Variants in CMIP observed in about 807,000 individuals in gnomAD.
CMIP encodes the protein c-Maf inducing protein.
CMIP carries 13 observed loss-of-function variants against 97.3 expected under a neutral mutation model. The observed-to-expected ratio is 0.13, with a 90% CI of 0.09 to 0.21. CMIP has a LOEUF of 0.21. Among genes scored for constraint, CMIP ranks in the 10% least tolerant of loss-of-function variants. CMIP has a pLI of 1.00. For missense variants in CMIP, 847 were observed against 1,024.9 expected (o/e 0.83, Z 2.37); for synonymous variants, 538 against 436.3 (o/e 1.23, Z -2.91).
At chr16:81,634,399 T>G (rs111971491) in intron 3 of CMIP, among the ~76,000 whole-genome samples, 2 of 152,238 alleles carry the variant, frequency 1.3e-5, no homozygotes, top group African/African-American at 4.8e-5. Flanking sequence ...GCTGCCTCCT[T>G]CTGTAACCAT....
intron 1 of CMIP, among the ~76,000 whole-genome samples, chr16:81,564,567 C>T (rs1010075040): frequency 1.8e-4 from 28 of 152,284 alleles, no homozygotes; most frequent in Middle Eastern, 3.4e-3. Flanking sequence ...TGCCAGCAGC[C>T]GGGAGCCAGG....
At chr16:81,699,203 A>G (rs1172371885) in intron 14 of CMIP, among the ~76,000 whole-genome samples, 1 of 152,194 alleles carries the variant, frequency 6.6e-6, no homozygotes, top group Non-Finnish European at 1.5e-5. Context: ...GCAGTGAGCC[A>G]AGATCGCACC....
At chr16:81,645,579 C>T (rs2092355233) in intron 3 of CMIP, 2 of 1,535,890 alleles carry the variant, frequency 1.3e-6, no homozygotes, top group African/African-American at 1.4e-5. Flanking sequence ...GTTGCCAGAG[C>T]GATGGCAAGT....
chr16:81,567,917 A>T (rs1323819154), intron 1 of CMIP, among the ~76,000 whole-genome samples: 2 of 151,852 alleles, frequency 1.3e-5, no homozygotes, highest in African/African-American at 2.4e-5. Flanking sequence ...GCTTCCCCTA[A>T]TGTTTCATTC....
chr16:81,697,581 C>A, intron 14 of CMIP: 1 of 152,370 alleles, frequency 6.6e-6, no homozygotes. Context: ...GCCCCTCGTC[C>A]GGGAGCCTCG....
intron 14 of CMIP, 109 bp downstream of exon 14, chr16:81,696,776 C>A (rs9933631): frequency 0.94 from 936,059 of 999,436 alleles, 439,552 homozygotes; most frequent in East Asian, 1. Flanking sequence ...CGGAGTTTCC[C>A]GGCTAACACA....
chr16:81,534,038 G>C (rs1222584272), intron 1 of CMIP: 1 of 152,276 alleles, frequency 6.6e-6, no homozygotes, highest in Non-Finnish European at 1.5e-5. Flanking sequence ...CCCCGTGAGA[G>C]CTACTGCTCA....
rs1005411565 is a variant in CMIP, at chr16:81,676,927, G to T, written c.1035-1348G>T. ...CATGCATGTGACACATGTGGGGAAG[G>T]ACTAGACAAGCAGCTGTTTTCAATC... On this transcript the variant is annotated intron_variant, in intron 9 of 20. Coordinates refer to ENST00000537098, the MANE Select transcript of CMIP (RefSeq NM_198390.3). 1.3e-4 allele frequency among the ~76,000 whole-genome samples: 20 copies of T among 152,314 alleles called. No homozygotes were observed. In the South Asian group the frequency reaches 3.9e-3, roughly 30 times the overall value.
intron 1 of CMIP, among the ~76,000 whole-genome samples, chr16:81,556,493 C>T (rs2090766821): frequency 6.6e-6 from 1 of 152,178 alleles, no homozygotes; most frequent in Non-Finnish European, 1.5e-5. Context: ...CACAATGTGC[C>T]AACGATTACT....
intron 1 of CMIP, among the ~76,000 whole-genome samples, chr16:81,455,417 C>A (rs1025391373): frequency 1.3e-5 from 2 of 152,248 alleles, no homozygotes; most frequent in African/African-American, 4.8e-5. Flanking sequence ...GAACAGCTTG[C>A]CTAGTTGGGA....
At chr16:81,466,413 A>T (rs1907209838) in intron 1 of CMIP, among the ~76,000 whole-genome samples, 1 of 152,152 alleles carries the variant, frequency 6.6e-6, no homozygotes, top group Admixed American at 6.5e-5. Context: ...GGTTGATTGG[A>T]GGCCAGGGAT....
rs372245073 is a variant in CMIP at position 81,576,416 on chromosome 16, A to AAAAC, written c.301-31135_301-31132dup. ...AAGACTCTGTCTCAAAAAACGGGGA[A>AAAAC]AAACAAACAAACAAACAAAAAACAG... On this transcript the variant is annotated intron_variant, in intron 1 of 20. Coordinates refer to ENST00000537098, the MANE Select transcript of CMIP (RefSeq NM_198390.3). Among the ~76,000 whole-genome samples, 10 of 152,234 alleles carry AAAAC rather than the reference A, an allele frequency of 6.6e-5. No individual in the cohort carries two copies. In the South Asian group the frequency reaches 8.3e-4, roughly 13 times the overall value.
Position 81,616,319 on chromosome 16 carries a change from G to A in CMIP, c.427-4557G>A, listed in dbSNP as rs956151213. Among the ~76,000 whole-genome samples, 5 of 152,294 alleles carry A rather than the reference G, an allele frequency of 3.3e-5. No individual in the cohort carries two copies. The highest frequency in any genetic ancestry group is 1.2e-4 in the African/African-American group (5 of 41,558). On this transcript the variant is annotated intron_variant, in intron 2 of 20. Transcript: ENST00000537098. This position sits in a 1 kb window ranked among gnomAD's most constrained non-coding sequence, Gnocchi z 4.7. ...AGTGGCCGCCAGAAGCTTCAGGAGA[G>A]CGGAGGAGGGATGGGGTCCTGGCCG...
intron 1 of CMIP, among the ~76,000 whole-genome samples, chr16:81,585,855 C>G (rs914940600): frequency 2.6e-5 from 4 of 152,170 alleles, no homozygotes; most frequent in Admixed American, 6.5e-5. Flanking sequence ...GAGTTAGTGG[C>G]TGTCTTCCTC....
At chr16:81,467,517 G>A (rs922601035) in intron 1 of CMIP, among the ~76,000 whole-genome samples, 2 of 152,008 alleles carry the variant, frequency 1.3e-5, no homozygotes, top group Non-Finnish European at 2.9e-5. Flanking sequence ...GAAAAAAGAG[G>A]AATTTAGTGT....
Position 81,473,809 on chromosome 16 carries a change from TG to T in CMIP, c.300+28270del, listed in dbSNP as rs1168872534. On this transcript the variant is annotated intron_variant, in intron 1 of 20. Coordinates refer to ENST00000537098, the MANE Select transcript of CMIP (RefSeq NM_198390.3). ...GACGTGTTTTACTTGGCCCACACAG[TG>T]GTTTTTTTTTTTTTTTTTTTTCTTA... Among the ~76,000 whole-genome samples the T allele has an allele frequency of 8.6e-5, 11 of 127,916 alleles. No homozygotes were observed. The East Asian group carries it at 1.8e-3, about 21-fold the overall frequency. 83.9% of individuals were successfully genotyped at this position (127,916 alleles called of 152,430 possible).
chr16:81,498,080 A>G (rs1227137789), intron 1 of CMIP, among the ~76,000 whole-genome samples: 1 of 152,226 alleles, frequency 6.6e-6, no homozygotes, highest in African/African-American at 2.4e-5. Context: ...TCAGAGTACC[A>G]TGGTGGCTCT....
chr16:81,603,441 G>A (rs1290068743), intron 1 of CMIP: 4 of 454,392 alleles, frequency 8.8e-6, no homozygotes, highest in South Asian at 1.6e-5. Context: ...ATAGGAAAGC[G>A]ACGAGGATAC....
chr16:81,591,544 A>C (rs1303101237), intron 1 of CMIP, among the ~76,000 whole-genome samples: 1 of 152,138 alleles, frequency 6.6e-6, no homozygotes, highest in Non-Finnish European at 1.5e-5. Context: ...AAGCTCTCAG[A>C]CATCATACTG....
Sources: gnomAD v4.1 joint callset for allele counts (sites outside exome capture counted in the v4.1 genomes callset) on GRCh38, gnomAD v4.1.1 for gene constraint, Gnocchi (gnomAD v3.1) non-coding constraint, MANE v1.5 for transcripts, NCBI Gene and HGNC (gene_info 2026-07-23, HGNC 2026-07-21) for gene names.